Variants in AGFG1 observed in about 807,000 individuals in gnomAD.
AGFG1 encodes the protein ArfGAP with FG repeats 1, also known as arf-GAP domain and FG repeat-containing protein 1.
A neutral mutation model predicts 60.6 loss-of-function variants in AGFG1; 10 were observed. The ratio of observed to expected loss-of-function variants is 0.16; its 90% CI spans 0.10 to 0.28. The LOEUF (loss-of-function observed/expected upper bound fraction) is 0.28, where lower values mean the gene tolerates loss of function less well. Ranked by LOEUF, AGFG1 falls within the 10% of genes least tolerant of loss-of-function variation. AGFG1 has a pLI of 1.00. For missense variants in AGFG1, 537 were observed against 676.5 expected (o/e 0.79, Z 2.29); for synonymous variants, 247 against 242.9 (o/e 1.02, Z -0.16).
At chr2:227,539,914 C>T (rs376696994) in intron 10 of AGFG1, among the ~76,000 whole-genome samples, 2 of 152,166 alleles carry the variant, frequency 1.3e-5, no homozygotes, top group African/African-American at 4.8e-5. Context: ...TTGCTCACTG[C>T]AGCCTCTACC....
intron 6 of AGFG1, among the ~76,000 whole-genome samples, chr2:227,531,449 A>C (rs1436851334): frequency 8.6e-5 from 13 of 150,538 alleles, no homozygotes; most frequent in Admixed American, 8.6e-4. Context: ...TTTCCTGCGC[A>C]TGAATCTTCC....
chr2:227,500,939 C>G (rs1394140149), intron 2 of AGFG1, among the ~76,000 whole-genome samples: 2 of 151,880 alleles, frequency 1.3e-5, no homozygotes, highest in Admixed American at 1.3e-4. Flanking sequence ...ATTACAGGCG[C>G]TCGCCACCAC....
At chr2:227,523,960 C>A (rs1575096232) in intron 4 of AGFG1, 35 bp downstream of exon 4, 1 of 1,571,978 alleles carries the variant, frequency 6.4e-7, no homozygotes, top group Non-Finnish European at 8.7e-7. Context: ...GGGAATTCGA[C>A]TTAAAGAGGG....
At chr2:227,554,265 T>C (rs540646832) in intron 12 of AGFG1, among the ~76,000 whole-genome samples, 171 bp from the exon 13 acceptor site, 9 of 152,318 alleles carry the variant, frequency 5.9e-5, no homozygotes, top group East Asian at 3.9e-4. Context: ...TCATGACACA[T>C]AGTAGTTTGA....
chr2:227,528,646 G>T (rs2106214775), intron 5 of AGFG1, among the ~76,000 whole-genome samples: 1 of 152,232 alleles, frequency 6.6e-6, no homozygotes, highest in African/African-American at 2.4e-5. Context: ...TTGTAAATTT[G>T]CAACTTATTT....
At chr2:227,484,081 T>G (rs889475059) in intron 1 of AGFG1, among the ~76,000 whole-genome samples, 4 of 152,124 alleles carry the variant, frequency 2.6e-5, no homozygotes, top group African/African-American at 9.7e-5. Context: ...TTTTCTTTTA[T>G]GGTCACAATT....
chr2:227,549,940 C>G (rs1478206070), intron 10 of AGFG1: 1 of 340,324 alleles, frequency 2.9e-6, no homozygotes, highest in Non-Finnish European at 6.0e-6. Flanking sequence ...TATTATGCTA[C>G]CCCCTTAGCA....
intron 1 of AGFG1, among the ~76,000 whole-genome samples, chr2:227,473,909 G>A (rs1406571691): frequency 6.6e-6 from 1 of 152,212 alleles, no homozygotes; most frequent in Non-Finnish European, 1.5e-5. Context: ...GGGTGTGCCA[G>A]TAAATATAGC....
intron 5 of AGFG1, among the ~76,000 whole-genome samples, chr2:227,527,861 T>A (rs1483541958): frequency 6.6e-6 from 1 of 152,232 alleles, no homozygotes; most frequent in Non-Finnish European, 1.5e-5. Context: ...TTCAAGACTG[T>A]ATCTTTGTAA....
chr2:227,531,279 A>C, intron 6 of AGFG1, 69 bp downstream of exon 6: 2 of 1,535,550 alleles, frequency 1.3e-6, no homozygotes, highest in Admixed American at 2.1e-5. Context: ...TGTAGTTTTG[A>C]AAAATTAGTC....
chr2:227,502,277 T>C (rs1457703072), intron 2 of AGFG1, among the ~76,000 whole-genome samples: 3 of 152,218 alleles, frequency 2.0e-5, no homozygotes, highest in Non-Finnish European at 2.9e-5. Context: ...CTTTGTCAGA[T>C]ATATCCTTAG....
At chr2:227,472,816 G>T (rs972016446) in intron 1 of AGFG1, among the ~76,000 whole-genome samples, 2 of 134,820 alleles carry the variant, frequency 1.5e-5, no homozygotes, top group Admixed American at 7.7e-5. Flanking sequence ...CCGGGCGAGG[G>T]TTTACGTTCT....
At chr2:227,505,814 G>T (rs1575081188) in intron 2 of AGFG1, among the ~76,000 whole-genome samples, 1 of 151,996 alleles carries the variant, frequency 6.6e-6, no homozygotes, top group Non-Finnish European at 1.5e-5. Flanking sequence ...TCTTGGCTCA[G>T]TGCAACCTCC....
At chr2:227,489,295 ATC>A (rs1320849316) in intron 1 of AGFG1, among the ~76,000 whole-genome samples, 15 of 137,610 alleles carry the variant, frequency 1.1e-4, no homozygotes, top group Admixed American at 2.5e-4. Context: ...CAGTGGCGCA[ATC>A]TCAGCTCACT....
chr2:227,550,626 G>A (rs753350894), intron 10 of AGFG1, among the ~76,000 whole-genome samples: 6 of 151,490 alleles, frequency 4.0e-5, no homozygotes, highest in South Asian at 2.1e-4. Flanking sequence ...CCTTTTTTTC[G>A]CATCAGTAAT....
At chr2:227,530,790 A>T (rs974535088) in intron 5 of AGFG1, among the ~76,000 whole-genome samples, 1 of 152,150 alleles carries the variant, frequency 6.6e-6, no homozygotes, top group Non-Finnish European at 1.5e-5. Context: ...GTACTCTGAA[A>T]TAGTTTCCTT....
chr2:227,510,075 C>T (rs1691449905), intron 2 of AGFG1, among the ~76,000 whole-genome samples: 1 of 152,120 alleles, frequency 6.6e-6, no homozygotes, highest in South Asian at 2.1e-4. Context: ...ACTACTATGA[C>T]TTCACTAATA....
intron 7 of AGFG1, among the ~76,000 whole-genome samples, 180 bp downstream of exon 7, chr2:227,533,938 C>A (rs536071720): frequency 6.6e-6 from 1 of 152,142 alleles, no homozygotes; most frequent in Non-Finnish European, 1.5e-5. Context: ...ATATCAACTA[C>A]AAAACTGAAG....
Position 227,476,520 on chromosome 2 carries a change from TTAATACC to T in AGFG1, c.167+3933_167+3939del. 2.0e-5 allele frequency among the ~76,000 whole-genome samples: 3 copies of T among 152,376 alleles called. No homozygotes were observed. The East Asian group carries it at 5.8e-4, about 29-fold the overall frequency. ...AACATTTGAGAAAGAGGTTGCCACT[TTAATACC>T]ATCTATTTTATGTGGACAGTGCATT... On this transcript the variant is annotated intron_variant, in intron 1 of 12. Coordinates refer to ENST00000310078, the MANE Select transcript of AGFG1 (RefSeq NM_004504.5).
Sources: gnomAD v4.1 joint callset for allele counts (sites outside exome capture counted in the v4.1 genomes callset) on GRCh38, gnomAD v4.1.1 for gene constraint, MANE v1.5 for transcripts, NCBI Gene and HGNC (gene_info 2026-07-23, HGNC 2026-07-21) for gene names.